Variants in TENM4 observed in about 807,000 individuals in gnomAD.
TENM4 encodes teneurin-4.
Under a neutral mutation model 243.3 loss-of-function variants are expected in TENM4, and 82 were observed. The ratio of observed to expected loss-of-function variants is 0.34; its 90% CI spans 0.28 to 0.40. TENM4 has a LOEUF of 0.40. Among genes scored for constraint, TENM4 ranks in the 10% least tolerant of loss-of-function variants. TENM4 has a pLI of 1.00. For synonymous variants in TENM4, 1,412 were observed against 1,456.3 expected (o/e 0.97, Z 0.69); for missense variants, 3,138 against 3,673.3 (o/e 0.85, Z 3.77).
chr11:78,662,187 T>G (rs1293372078), intron 32 of TENM4, among the ~76,000 whole-genome samples: 1 of 151,410 alleles, frequency 6.6e-6, no homozygotes, highest in Non-Finnish European at 1.5e-5. Context: ...GTGCCTTCAT[T>G]TTCTTTCTTT....
intron 4 of TENM4, among the ~76,000 whole-genome samples, chr11:79,135,739 CATCATATATACATATATGTATAT>C (rs945384442): frequency 6.6e-5 from 9 of 135,902 alleles, no homozygotes; most frequent in African/African-American, 1.6e-4. Flanking sequence ...ATGATATATA[CATCATATATACATATATGTATAT>C]ATCATATATA....
intron 1 of TENM4, among the ~76,000 whole-genome samples, chr11:79,314,759 A>G (rs1658695167): frequency 6.6e-6 from 1 of 152,244 alleles, no homozygotes; most frequent in African/African-American, 2.4e-5. Context: ...CCATATACTC[A>G]TGGAGCTCAC....
chr11:79,428,711 G>A (rs1859105809), intron 1 of TENM4, among the ~76,000 whole-genome samples: 1 of 152,194 alleles, frequency 6.6e-6, no homozygotes, highest in Non-Finnish European at 1.5e-5. Context: ...TGACCCAAAT[G>A]CCCCAGTTTG....
At chr11:78,961,588 G>A (rs542947268) in intron 6 of TENM4, among the ~76,000 whole-genome samples, 2 of 152,280 alleles carry the variant, frequency 1.3e-5, no homozygotes, top group South Asian at 2.1e-4. Context: ...CTTCAGGGCC[G>A]CCTGTCTCCA....
At chr11:79,106,283 T>C (rs758935414) in intron 4 of TENM4, among the ~76,000 whole-genome samples, 1 of 152,202 alleles carries the variant, frequency 6.6e-6, no homozygotes, top group African/African-American at 2.4e-5. Flanking sequence ...AGCTGGGTAA[T>C]GATGCTTTTA....
At chr11:78,721,040 C>T (rs1273847739) in intron 24 of TENM4, among the ~76,000 whole-genome samples, 1 of 152,154 alleles carries the variant, frequency 6.6e-6, no homozygotes, top group East Asian at 1.9e-4. Context: ...AATGGGGTCT[C>T]TTATTGGAAA....
intron 1 of TENM4, among the ~76,000 whole-genome samples, chr11:79,425,018 T>C (rs1376795214): frequency 6.6e-6 from 1 of 152,166 alleles, no homozygotes; most frequent in African/African-American, 2.4e-5. Flanking sequence ...CTTAGGTCAG[T>C]CTGACTCTTC....
At chr11:78,855,321 C>T (rs930864867) in intron 11 of TENM4, among the ~76,000 whole-genome samples, 1 of 152,194 alleles carries the variant, frequency 6.6e-6, no homozygotes, top group Admixed American at 6.5e-5. Flanking sequence ...CCAGGGCTGG[C>T]AGGACCTTGC....
chr11:79,143,194 A>G (rs1862326191), intron 4 of TENM4, among the ~76,000 whole-genome samples: 1 of 152,174 alleles, frequency 6.6e-6, no homozygotes, highest in Admixed American at 6.6e-5. Context: ...CCAAAGGATT[A>G]TAAATCATGC....
intron 6 of TENM4, among the ~76,000 whole-genome samples, chr11:78,911,283 C>T (rs1391989499): frequency 6.6e-6 from 1 of 152,178 alleles, no homozygotes; most frequent in Non-Finnish European, 1.5e-5. Flanking sequence ...GATATGTACT[C>T]CAGTTACAGT....
At position 78,708,970 on chromosome 11, in the gene TENM4, T is replaced by TC. The variant is rs1859331658; in HGVS notation, c.4055-456_4055-455insG. On this transcript the variant is annotated intron_variant, in intron 26 of 33. Coordinates refer to ENST00000278550, the MANE Select transcript of TENM4 (RefSeq NM_001098816.3). Reference sequence around the variant, plus strand: ...TTTTTCTTTTCTTTCTTTTTCTTTCTTTTTTTTTTTTTTTAAAAAAAGAGT... The same window carrying TC: ...TTTTTCTTTTCTTTCTTTTTCTTTCTCTTTTTTTTTTTTTTAAAAAAAGAGT... Among the ~76,000 whole-genome samples the TC allele has an allele frequency of 6.8e-5, 5 of 73,644 alleles. No individual in the cohort carries two copies. The East Asian group carries it at 1.0e-3, about 15-fold the overall frequency. 48.3% of individuals were successfully genotyped at this position (73,644 alleles called of 152,430 possible). A position where few individuals can be genotyped will look rare whatever the true frequency, so the allele number is the denominator to read the frequency against.
intron 4 of TENM4, among the ~76,000 whole-genome samples, chr11:79,086,834 G>A (rs1308708066): frequency 1.3e-4 from 5 of 37,456 alleles, no homozygotes; most frequent in Non-Finnish European, 1.5e-4. Context: ...ACTCTGTCTC[G>A]CAAAAAAAAA....
chr11:79,422,417 T>G (rs1858954297), intron 1 of TENM4, among the ~76,000 whole-genome samples: 1 of 152,068 alleles, frequency 6.6e-6, no homozygotes, highest in Non-Finnish European at 1.5e-5. Flanking sequence ...TACCATCTCT[T>G]TTTGTAACAT....
At chr11:78,995,367 G>A (rs752410861) in intron 6 of TENM4, among the ~76,000 whole-genome samples, 7 of 152,140 alleles carry the variant, frequency 4.6e-5, no homozygotes, top group Non-Finnish European at 7.4e-5. Context: ...AAGCAGAGGA[G>A]TGACGTCCTG....
chr11:79,378,125 G>A (rs1857929079), intron 1 of TENM4, among the ~76,000 whole-genome samples: 1 of 152,152 alleles, frequency 6.6e-6, no homozygotes, highest in Admixed American at 6.5e-5. Context: ...AAAGCTGCTG[G>A]TACCACCTGA....
intron 6 of TENM4, among the ~76,000 whole-genome samples, chr11:79,063,678 C>T (rs1237259287): frequency 2.6e-5 from 4 of 152,174 alleles, no homozygotes; most frequent in Non-Finnish European, 5.9e-5. Context: ...CACGCAGGAC[C>T]ACGTTCGACT....
intron 6 of TENM4, among the ~76,000 whole-genome samples, chr11:78,931,613 G>A (rs907861617): frequency 2.0e-5 from 3 of 152,204 alleles, no homozygotes; most frequent in African/African-American, 7.2e-5. Context: ...ACAAAATCAA[G>A]TGAAGTAGGT....
At chr11:78,884,264 C>T (rs946669860) in intron 9 of TENM4, among the ~76,000 whole-genome samples, 1 of 152,178 alleles carries the variant, frequency 6.6e-6, no homozygotes, top group African/African-American at 2.4e-5. Flanking sequence ...AATTTCAGAA[C>T]CTATGCTCTC....
chr11:78,923,515 G>T (rs966936855), intron 6 of TENM4, among the ~76,000 whole-genome samples: 4 of 151,722 alleles, frequency 2.6e-5, no homozygotes, highest in Non-Finnish European at 5.9e-5. Flanking sequence ...GAAGTTTCTG[G>T]AAAAAATTGT....
Sources: allele counts gnomAD v4.1 joint callset (sites outside exome capture counted in the v4.1 genomes callset), GRCh38; gene constraint gnomAD v4.1.1; transcripts MANE v1.5; gene names NCBI Gene and HGNC (gene_info 2026-07-23, HGNC 2026-07-21).